Variants in MMP2 observed in about 807,000 individuals in gnomAD.
MMP2 encodes matrix metallopeptidase 2, also known as 72 kDa type IV collagenase.
In MMP2, 39 loss-of-function variants were observed where a neutral mutation model predicts 74.8. The observed-to-expected ratio is 0.52, with a 90% CI of 0.40 to 0.68. The LOEUF (loss-of-function observed/expected upper bound fraction) is 0.68, where lower values mean the gene tolerates loss of function less well. Among genes scored for constraint, MMP2 ranks in the 30% least tolerant of loss-of-function variants. MMP2 has a pLI of 0.00. For missense variants in MMP2, 803 were observed against 878.3 expected, an observed-to-expected ratio of 0.91 and a Z score of 1.08; for synonymous variants, 367 against 339.8, an observed-to-expected ratio of 1.08 and a Z score of -0.88.
At position 55,479,473 on chromosome 16, in the gene MMP2, C is replaced by A. The variant is rs765195089; in HGVS notation, c.-7C>A. 1 of 1,550,482 alleles carries A rather than the reference C, an allele frequency of 6.4e-7. No individual in the cohort carries two copies. Among genetic ancestry groups the A allele is most frequent in the East Asian group, 2.4e-5 (1 of 40,948 alleles). ...CCGGGCGACGCGCGGGGCCAGGGAG[C>A]GCTACGATGGAGGCGCTAATGGCCC... On this transcript the variant is annotated 5_prime_UTR_variant, in exon 1 of 13. Coordinates refer to ENST00000219070, the MANE Select transcript of MMP2 (RefSeq NM_004530.6).
intron 1 of MMP2, among the ~76,000 whole-genome samples, chr16:55,482,591 G>T (rs1382145923): frequency 2.0e-5 from 3 of 152,192 alleles, no homozygotes; most frequent in Non-Finnish European, 2.9e-5. Context: ...GTATAATAGG[G>T]TTAGTATATC....
intron 5 of MMP2, chr16:55,487,024 T>TA (rs1215522166): frequency 1.3e-5 from 2 of 152,212 alleles, no homozygotes; most frequent in Non-Finnish European, 2.9e-5. Flanking sequence ...CATTTTGAAA[T>TA]AAAAATATTT....
rs370437036 is a variant in MMP2 at position 55,480,639 on chromosome 16, A to C, written c.153+1007A>C. The C allele has an allele frequency of 7.1e-4, 108 of 152,472 alleles. No individual in the cohort carries two copies. In the South Asian group the frequency reaches 0.019, roughly 27 times the overall value. 9.4% of individuals were successfully genotyped at this position (152,472 alleles called of 1,614,324 possible). A position where few individuals can be genotyped will look rare whatever the true frequency, so the allele number is the denominator to read the frequency against. ...GAGAGAGGCAGGCCAGGGACCCATC[A>C]AGATGTCCTTTCCAGTCCAGGGGAT... On this transcript the variant is annotated intron_variant, in intron 1 of 12. Coordinates refer to ENST00000219070, the MANE Select transcript of MMP2 (RefSeq NM_004530.6).
At position 55,505,612 on chromosome 16, in the gene MMP2, G is replaced by C. The variant is rs41280909; in HGVS notation, c.*170G>C. 1 of 664,108 alleles carries C rather than the reference G, an allele frequency of 1.5e-6. No individual in the cohort carries two copies. Among genetic ancestry groups the C allele is most frequent in the Non-Finnish European group, 2.7e-6 (1 of 370,844 alleles). The allele number at this position is 664,108 out of a possible 1,614,324, so 41.1% of individuals were successfully genotyped here. A position where few individuals can be genotyped will look rare whatever the true frequency, so the allele number is the denominator to read the frequency against. On this transcript the variant is annotated 3_prime_UTR_variant, in exon 13 of 13. Coordinates refer to ENST00000219070, the MANE Select transcript of MMP2 (RefSeq NM_004530.6). ...AAGATTCCAGAGAGTGGCTCCTCCCGGTGCCCAAGAATAGATGCTGACTGT... is the reference window on the plus strand; with the variant it reads ...AAGATTCCAGAGAGTGGCTCCTCCCCGTGCCCAAGAATAGATGCTGACTGT...
At chr16:55,497,214 A>C (rs1233087522) in intron 10 of MMP2, 152 bp downstream of exon 10, 8 of 1,100,908 alleles carry the variant, frequency 7.3e-6, no homozygotes, top group South Asian at 1.3e-5. Context: ...TTTCAACATT[A>C]TTTCCTGAAG....
chr16:55,498,860 T>G (rs1371879488), intron 11 of MMP2, among the ~76,000 whole-genome samples: 6 of 152,142 alleles, frequency 3.9e-5, no homozygotes, highest in Non-Finnish European at 2.9e-5. Context: ...TGAGGAAACC[T>G]GGGTTCAGAA....
chr16:55,483,910 C>T (rs2142345877), intron 2 of MMP2, 106 bp from the exon 3 acceptor site: 1 of 1,222,920 alleles, frequency 8.2e-7, no homozygotes, highest in Non-Finnish European at 1.2e-6. Flanking sequence ...TTCACATACA[C>T]ACACACACTC....
At position 55,489,964 on chromosome 16, in the gene MMP2, C is replaced by T. The variant is rs1962364069; in HGVS notation, c.1180+140C>T. ...CACCCACCTACCCAGACCCGCCCAC[C>T]TGGGCTGAGACAATGCCCATCTCTG... is the stretch of plus-strand genomic sequence containing the variant. On this transcript the variant is annotated intron_variant, in intron 7 of 12. Transcript: ENST00000219070. The T allele has an allele frequency of 6.3e-6, 6 of 949,554 alleles. No homozygotes were observed. In the Admixed American group the frequency reaches 1.3e-4, roughly 20 times the overall value. The allele number at this position is 949,554 out of a possible 1,614,324, so 58.8% of individuals were successfully genotyped here. A position where few individuals can be genotyped will look rare whatever the true frequency, so the allele number is the denominator to read the frequency against.
At chr16:55,487,551 G>T (rs1427356436) in intron 5 of MMP2, 1 of 152,310 alleles carries the variant, frequency 6.6e-6, no homozygotes, top group African/African-American at 2.4e-5. Context: ...GTTCTGTGGT[G>T]GGAGGCCAGG....
chr16:55,500,641 C>T (rs1381017420), intron 11 of MMP2, among the ~76,000 whole-genome samples: 1 of 152,196 alleles, frequency 6.6e-6, no homozygotes, highest in Non-Finnish European at 1.5e-5. Flanking sequence ...AGAGCCAGGA[C>T]AGACAGCGTG....
Position 55,485,773 on chromosome 16 carries a change from T to G in MMP2, c.828T>G (p.His276Gln), listed in dbSNP as rs779262914. The G allele has an allele frequency of 3.1e-6, 5 of 1,613,456 alleles. No homozygotes were observed. In the East Asian group the frequency reaches 6.7e-5, roughly 22 times the overall value. Residue 276 changes from histidine to glutamine, a missense_variant, in exon 5 of 13, where the codon CAT becomes CAG. This residue lies in a region of MMP2 where 555 missense variants were observed against 592.0 expected (regional missense o/e 0.94). Transcript: ENST00000219070. ...EKDGKYGFCP[H>Q]EALFTMGGNA... ...ATGGCAAGTACGGCTTCTGTCCCCA[T>G]GAAGGTGAGCATCCACTCTAGTCCC... is the stretch of plus-strand genomic sequence containing the variant.
intron 4 of MMP2, 79 bp from the exon 5 acceptor site, chr16:55,485,525 A>G (rs1962222591): frequency 6.2e-7 from 1 of 1,610,650 alleles, no homozygotes; most frequent in Non-Finnish European, 8.5e-7. Context: ...GGAAAGTCAC[A>G]CATCTGGGTG....
At chr16:55,496,892 A>T (rs757347628) in intron 9 of MMP2, 34 bp from the exon 10 acceptor site, 43 of 1,612,292 alleles carry the variant, frequency 2.7e-5, no homozygotes. Flanking sequence ...GTGACTGAAG[A>T]TGTGGTTTCC....
chr16:55,489,841 A>G lies in MMP2; in HGVS notation c.1180+17A>G, dbSNP rs1325107575. On this transcript the variant is annotated intron_variant, in intron 7 of 12. Transcript: ENST00000219070. ...CTGACCAAGGTACGAGGCCCTGGTC[A>G]TTGGACAGAGACCCTGGACATTGCC... 1.2e-6 allele frequency: 2 copies of G among 1,613,136 alleles called. No individual in the cohort carries two copies. The highest frequency in any genetic ancestry group is 4.5e-5 in the East Asian group (2 of 44,874).
chr16:55,491,994 G>A (rs750837785), intron 8 of MMP2, 38 bp downstream of exon 8: 11 of 1,281,238 alleles, frequency 8.6e-6, no homozygotes, highest in Non-Finnish European at 1.2e-5. Flanking sequence ...GGAGGGTGAG[G>A]AGGGGGGAGG....
intron 7 of MMP2, among the ~76,000 whole-genome samples, chr16:55,490,482 C>T (rs1271248798): frequency 1.3e-5 from 2 of 152,040 alleles, no homozygotes; most frequent in African/African-American, 4.8e-5. Context: ...GAGAGAGTGA[C>T]CAGGAGACAG....
chr16:55,497,326 T>C (rs1962555666), intron 10 of MMP2, among the ~76,000 whole-genome samples: 1 of 71,710 alleles, frequency 1.4e-5, no homozygotes, highest in Non-Finnish European at 2.8e-5. Context: ...ATCCGTCTCA[T>C]TTCTTTTCTA....
chr16:55,487,759 A>G (rs1015307058), intron 5 of MMP2: 1 of 151,642 alleles, frequency 6.6e-6, no homozygotes, highest in Non-Finnish European at 1.5e-5. Context: ...TCTGAACCCC[A>G]CTCCCTCCCC....
At chr16:55,504,481 G>T (rs1237545859) in intron 12 of MMP2, among the ~76,000 whole-genome samples, 2 of 151,978 alleles carry the variant, frequency 1.3e-5, no homozygotes, top group African/African-American at 4.8e-5. Context: ...GCCCTAGAAG[G>T]TTGATAATCT....
Sources: allele counts gnomAD v4.1 joint callset (sites outside exome capture counted in the v4.1 genomes callset), GRCh38; gene constraint gnomAD v4.1.1; regional missense constraint gnomAD v4.1.1; transcripts MANE v1.5; gene names NCBI Gene and HGNC (gene_info 2026-07-23, HGNC 2026-07-21).